The following PRDM15 variants were observed in gnomAD, a reference collection of about 807,000 sequenced individuals.
The protein encoded by PRDM15 is PR domain zinc finger protein 15.
In PRDM15, 64 loss-of-function variants were observed where a neutral mutation model predicts 128.6. That is an observed-to-expected ratio of 0.50 (90% CI 0.41 to 0.61). The LOEUF (loss-of-function observed/expected upper bound fraction) is 0.61, where lower values mean the gene tolerates loss of function less well. Ranked by LOEUF, PRDM15 falls within the 20% of genes least tolerant of loss-of-function variation. The pLI is 0.00. For missense variants in PRDM15, 1,242 were observed against 1,569.1 expected, an observed-to-expected ratio of 0.79 and a Z score of 3.52; for synonymous variants, 615 against 621.8, an observed-to-expected ratio of 0.99 and a Z score of 0.16.
chr21:41,849,224 G>A (rs2063354188), intron 5 of PRDM15, among the ~76,000 whole-genome samples: 1 of 152,342 alleles, frequency 6.6e-6, no homozygotes, highest in South Asian at 2.1e-4. Context: ...GGATGAAGTC[G>A]AGGTCTGTAA....
chr21:41,814,717 G>A (rs2061984595), intron 19 of PRDM15: 1 of 156,582 alleles, frequency 6.4e-6, no homozygotes, highest in African/African-American at 2.5e-5. Context: ...GGGTGCTCTA[G>A]TGTTTTATGA....
chr21:41,828,779 C>T lies in PRDM15; in HGVS notation c.1367-446G>A, dbSNP rs1475113942. Among the ~76,000 whole-genome samples the T allele has an allele frequency of 2.6e-5, 4 of 152,020 alleles. No homozygotes were observed. The highest frequency in any genetic ancestry group is 5.9e-5 in the Non-Finnish European group (4 of 67,982). On this transcript the variant is annotated intron_variant, in intron 11 of 23. Transcript: ENST00000398548. This position sits in a 1 kb window ranked among gnomAD's most constrained non-coding sequence, Gnocchi z 5.7. ...CAACTGACCACCCGACCAATGTGGC[C>T]GCCCCTGCCCCCAGGATCCCTGGTG...
chr21:41,803,378 C>T (rs751126442), intron 22 of PRDM15, among the ~76,000 whole-genome samples: 2 of 152,112 alleles, frequency 1.3e-5, no homozygotes, highest in Admixed American at 1.3e-4. Context: ...GGACAGGGAA[C>T]GAGGGCCCAG....
rs1436583154 is a variant in PRDM15 at position 41,862,259 on chromosome 21, G to A, written c.-9-1887C>T. On this transcript the variant is annotated intron_variant, in intron 1 of 23. Transcript: ENST00000398548. The surrounding 1 kb of genome is among the most constrained non-coding windows in gnomAD (Gnocchi z 4.1). Reference sequence around the variant, plus strand: ...GGCCTTAAGAGGCGCCCCACACTGCGGTCAGATCACCGCAGAACACAGAGT... The same window carrying A: ...GGCCTTAAGAGGCGCCCCACACTGCAGTCAGATCACCGCAGAACACAGAGT... Among the ~76,000 whole-genome samples, 4 of 152,196 alleles carry A rather than the reference G, an allele frequency of 2.6e-5. No individual in the cohort carries two copies. The highest frequency in any genetic ancestry group is 4.4e-5 in the Non-Finnish European group (3 of 68,024).
intron 3 of PRDM15, among the ~76,000 whole-genome samples, chr21:41,857,866 T>A (rs931759360): frequency 6.6e-6 from 1 of 152,222 alleles, no homozygotes; most frequent in Non-Finnish European, 1.5e-5. Flanking sequence ...CCCATAATCT[T>A]GTGGCCTTAG....
At position 41,859,059 on chromosome 21, in the gene PRDM15, T is replaced by C; in HGVS notation, c.131+533A>G. 1 of 1,571,574 alleles carries C rather than the reference T, an allele frequency of 6.4e-7. No individual in the cohort carries two copies. Among genetic ancestry groups the C allele is most frequent in the Admixed American group, 1.9e-5 (1 of 52,958 alleles). On this transcript the variant is annotated intron_variant, in intron 3 of 23. Transcript: ENST00000398548. This position sits in a 1 kb window ranked among gnomAD's most constrained non-coding sequence, Gnocchi z 5.3. Reference sequence around the variant, plus strand: ...CCCTGGGCCACCAGGTGGCACAGCCTCCCCCAGGTGAGGGTGGAACGGCAG... The same window carrying C: ...CCCTGGGCCACCAGGTGGCACAGCCCCCCCCAGGTGAGGGTGGAACGGCAG...
intron 22 of PRDM15, 185 bp from the exon 23 acceptor site, chr21:41,803,106 C>A: frequency 1.7e-6 from 1 of 605,150 alleles, no homozygotes; most frequent in Non-Finnish European, 2.9e-6. Context: ...GGGCAAGTTC[C>A]TTTAGTTGCA....
At chr21:41,815,424 A>T (rs182337606) in intron 19 of PRDM15, among the ~76,000 whole-genome samples, 10 of 152,236 alleles carry the variant, frequency 6.6e-5, no homozygotes, top group African/African-American at 2.2e-4. Context: ...CCTGAGGGGG[A>T]AACAGCTGAA....
rs1234392414 is a variant in PRDM15, at chr21:41,861,687, T to C, written c.-9-1315A>G. The stretch of plus-strand genomic sequence containing the variant: ...CTCCACCCCGCTCATCCCCAGCAGC[T>C]TGAAGGGTGAAAAGCAGACCGTGCA... On this transcript the variant is annotated intron_variant, in intron 1 of 23. Transcript: ENST00000398548. 7 of 1,614,094 alleles carry C rather than the reference T, an allele frequency of 4.3e-6. No individual in the cohort carries two copies. In the South Asian group the frequency reaches 5.5e-5, roughly 13 times the overall value.
intron 5 of PRDM15, among the ~76,000 whole-genome samples, chr21:41,849,994 A>G (rs537014647): frequency 6.6e-6 from 1 of 152,364 alleles, no homozygotes; most frequent in African/African-American, 2.4e-5. Context: ...AAATGGCAAC[A>G]GCAGTTGAGT....
rs1442836947 is a variant in PRDM15, at chr21:41,879,132, G to A, written c.-10+138C>T. 9.8e-7 allele frequency: 1 copy of A among 1,021,838 alleles called. No individual in the cohort carries two copies. Among genetic ancestry groups the A allele is most frequent in the Non-Finnish European group, 1.2e-6 (1 of 841,406 alleles). 63.3% of individuals were successfully genotyped at this position (1,021,838 alleles called of 1,614,324 possible). On this transcript the variant is annotated intron_variant, in intron 1 of 23. Coordinates refer to ENST00000398548, the MANE Select transcript of PRDM15 (RefSeq NM_001040424.3). The surrounding 1 kb of genome is among the most constrained non-coding windows in gnomAD (Gnocchi z 5.1). ...GTCGGCATGGCGGCTGGACCGGGGC[G>A]GCGCGCGGCTGCCGGGCGCGGGGGG...
At chr21:41,802,584 C>T in intron 23 of PRDM15, 128 bp downstream of exon 23, 1 of 787,084 alleles carries the variant, frequency 1.3e-6, no homozygotes, top group Non-Finnish European at 2.2e-6. Flanking sequence ...ATGTCTGCTG[C>T]CTTCAACCAC....
chr21:41,872,621 A>G (rs1162942245), intron 1 of PRDM15, among the ~76,000 whole-genome samples: 1 of 152,212 alleles, frequency 6.6e-6, no homozygotes, highest in Non-Finnish European at 1.5e-5. Context: ...CAGGGGAATA[A>G]GCGTATCCAT....
intron 1 of PRDM15, among the ~76,000 whole-genome samples, chr21:41,865,622 C>T (rs2063982005): frequency 6.6e-6 from 1 of 152,250 alleles, no homozygotes; most frequent in African/African-American, 2.4e-5. Context: ...CCCTCCCTGA[C>T]ACCTTGCTCC....
intron 6 of PRDM15, among the ~76,000 whole-genome samples, chr21:41,844,340 C>T (rs1047511644): frequency 2.0e-5 from 3 of 151,640 alleles, no homozygotes; most frequent in Non-Finnish European, 4.4e-5. Flanking sequence ...GAACACACAA[C>T]CCCTCAGCCC....
At chr21:41,852,180 G>A (rs1281823505) in intron 5 of PRDM15, among the ~76,000 whole-genome samples, 3 of 152,370 alleles carry the variant, frequency 2.0e-5, no homozygotes, top group East Asian at 1.9e-4. Context: ...CCAATAAGGC[G>A]TGGCAACCTT....
In PRDM15 at chr21:41,878,564, C is replaced by A. The variant is rs1171780535; in HGVS notation, c.-10+706G>T. 4.3e-5 allele frequency: 20 copies of A among 467,890 alleles called. No individual in the cohort carries two copies. In the Admixed American group the frequency reaches 8.1e-4, roughly 19 times the overall value. 29.0% of individuals were successfully genotyped at this position (467,890 alleles called of 1,614,324 possible). A position where few individuals can be genotyped will look rare whatever the true frequency, so the allele number is the denominator to read the frequency against. On this transcript the variant is annotated intron_variant, in intron 1 of 23. Transcript: ENST00000398548. ...GGCGGGCCTCACCTGAGCGGCCGGG[C>A]ACGCCCCGTCCCCGAACGGCCACCC...
Position 41,810,036 on chromosome 21 carries a change from T to C in PRDM15, c.2652+118A>G. ...TGCCAGTCACAGACGCACCTAAGAC[T>C]CAGGGCCTGCCTCCAGTACTGGGGG... On this transcript the variant is annotated intron_variant, in intron 21 of 23. Coordinates refer to ENST00000398548, the MANE Select transcript of PRDM15 (RefSeq NM_001040424.3). This position sits in a 1 kb window ranked among gnomAD's most constrained non-coding sequence, Gnocchi z 6.4. 1 of 1,032,064 alleles carries C rather than the reference T, an allele frequency of 9.7e-7. No homozygotes were observed. The allele number at this position is 1,032,064 out of a possible 1,614,324, so 63.9% of individuals were successfully genotyped here.
chr21:41,851,481 G>A (rs561341150), intron 5 of PRDM15, among the ~76,000 whole-genome samples: 10 of 152,344 alleles, frequency 6.6e-5, no homozygotes, highest in African/African-American at 1.7e-4. Flanking sequence ...GCCTCGAGAG[G>A]GACCCCTGGC....
Sources: gnomAD v4.1 joint callset for allele counts (sites outside exome capture counted in the v4.1 genomes callset) on GRCh38, gnomAD v4.1.1 for gene constraint, Gnocchi (gnomAD v3.1) non-coding constraint, MANE v1.5 for transcripts, NCBI Gene and HGNC (gene_info 2026-07-23, HGNC 2026-07-21) for gene names.